Variants in PAK5 observed in about 807,000 individuals in gnomAD.
The protein encoded by PAK5 is p21 (RAC1) activated kinase 5.
A neutral mutation model predicts 65.9 loss-of-function variants in PAK5; 16 were observed. The observed-to-expected ratio is 0.24, with a 90% CI of 0.16 to 0.37. The LOEUF is 0.37. Among genes scored for constraint, PAK5 ranks in the 10% least tolerant of loss-of-function variants. The pLI, the probability that PAK5 is intolerant of heterozygous loss-of-function variation, is 1.00. For missense variants in PAK5, 785 were observed against 903.9 expected, an observed-to-expected ratio of 0.87 and a Z score of 1.69; for synonymous variants, 371 against 354.9, an observed-to-expected ratio of 1.05 and a Z score of -0.51.
intron 1 of PAK5, among the ~76,000 whole-genome samples, chr20:9,826,275 C>A (rs371557184): frequency 3.3e-5 from 5 of 151,994 alleles, no homozygotes; most frequent in Non-Finnish European, 5.9e-5. Flanking sequence ...AGACACTGCT[C>A]TAAATTGACA....
At chr20:9,626,777 TTATTTA>T (rs1261268573) in intron 3 of PAK5, among the ~76,000 whole-genome samples, 2 of 152,070 alleles carry the variant, frequency 1.3e-5, no homozygotes, top group African/African-American at 4.8e-5. Context: ...GCTTTTATTT[TTATTTA>T]TTTTTTTTTC....
At chr20:9,569,937 C>T (rs1394118239) in intron 4 of PAK5, among the ~76,000 whole-genome samples, 1 of 149,190 alleles carries the variant, frequency 6.7e-6, no homozygotes. Context: ...CTAAGCTGCC[C>T]TCCTGCCCTG....
At chr20:9,774,023 G>A (rs917704242) in intron 1 of PAK5, among the ~76,000 whole-genome samples, 12 of 152,204 alleles carry the variant, frequency 7.9e-5, no homozygotes, top group African/African-American at 2.9e-4. Context: ...AGAATGAGGA[G>A]GAGATGGGAG....
chr20:9,571,313 G>A (rs974756024), intron 4 of PAK5, among the ~76,000 whole-genome samples: 4 of 152,128 alleles, frequency 2.6e-5, no homozygotes, highest in East Asian at 1.9e-4. Context: ...ATGATGGTGC[G>A]TATCACCAGC....
At chr20:9,541,706 G>A (rs2045266672) in intron 9 of PAK5, among the ~76,000 whole-genome samples, 1 of 152,066 alleles carries the variant, frequency 6.6e-6, no homozygotes, top group Non-Finnish European at 1.5e-5. Flanking sequence ...TCAGTGATAG[G>A]GTTTGGCTCT....
chr20:9,561,599 T>C (rs1227029637), intron 6 of PAK5, among the ~76,000 whole-genome samples: 1 of 152,122 alleles, frequency 6.6e-6, no homozygotes, highest in Non-Finnish European at 1.5e-5. Flanking sequence ...TAGAGCCACG[T>C]AACATCTCAT....
At chr20:9,644,024 A>G in intron 3 of PAK5, 101 bp downstream of exon 3, 1 of 795,928 alleles carries the variant, frequency 1.3e-6, no homozygotes, top group East Asian at 2.6e-5. Context: ...GTTAAAAAAT[A>G]TGTGGTTTAG....
At chr20:9,699,454 C>T (rs2047910361) in intron 2 of PAK5, among the ~76,000 whole-genome samples, 1 of 151,268 alleles carries the variant, frequency 6.6e-6, no homozygotes, top group South Asian at 2.1e-4. Flanking sequence ...GAGAAATAGC[C>T]TTGGGTGTAT....
chr20:9,830,105 G>A (rs907305800), intron 1 of PAK5, among the ~76,000 whole-genome samples: 12 of 152,218 alleles, frequency 7.9e-5, no homozygotes, highest in African/African-American at 2.9e-4. Context: ...TGTTGCAGAG[G>A]AGCAGTGCTG....
At chr20:9,780,965 C>G (rs373678283) in intron 1 of PAK5, among the ~76,000 whole-genome samples, 8 of 152,196 alleles carry the variant, frequency 5.3e-5, no homozygotes, top group African/African-American at 1.9e-4. Flanking sequence ...ACAGAGGTCT[C>G]AGATTGAATG....
chr20:9,555,169 T>C (rs1264128003), intron 7 of PAK5, among the ~76,000 whole-genome samples: 1 of 152,224 alleles, frequency 6.6e-6, no homozygotes, highest in Non-Finnish European at 1.5e-5. Flanking sequence ...AACTGTCTGT[T>C]ACACGTAGCA....
intron 1 of PAK5, among the ~76,000 whole-genome samples, chr20:9,768,462 T>C (rs1056219519): frequency 6.6e-6 from 1 of 151,702 alleles, no homozygotes; most frequent in Non-Finnish European, 1.5e-5. Context: ...GTATCTATAA[T>C]AAAAGTTGAA....
chr20:9,693,424 C>T (rs914115213), intron 2 of PAK5, among the ~76,000 whole-genome samples: 1 of 151,914 alleles, frequency 6.6e-6, no homozygotes, highest in Non-Finnish European at 1.5e-5. Flanking sequence ...CTTCATCTCT[C>T]GTTTACCTGT....
At chr20:9,704,018 C>A (rs778886353) in intron 2 of PAK5, among the ~76,000 whole-genome samples, 2 of 152,130 alleles carry the variant, frequency 1.3e-5, no homozygotes, top group African/African-American at 2.4e-5. Context: ...AAGGATGACG[C>A]CTGTCTTCCA....
intron 3 of PAK5, among the ~76,000 whole-genome samples, chr20:9,609,101 C>T (rs1353587039): frequency 6.6e-6 from 1 of 151,456 alleles, no homozygotes; most frequent in African/African-American, 2.4e-5. Flanking sequence ...AGTCAGACAC[C>T]TGGGCTTTGT....
intron 1 of PAK5, among the ~76,000 whole-genome samples, chr20:9,800,330 C>T (rs894113053): frequency 8.5e-5 from 13 of 152,126 alleles, no homozygotes; most frequent in African/African-American, 3.1e-4. Flanking sequence ...TTGATATTCT[C>T]ATTTAGCTTC....
chr20:9,539,550 G>A lies in PAK5; in HGVS notation c.2072C>T (p.Ala691Val), dbSNP rs761963167. 1.2e-6 allele frequency: 2 copies of A among 1,613,522 alleles called. No homozygotes were observed. The highest frequency in any genetic ancestry group is 3.3e-5 in the Admixed American group (2 of 60,030). ...GAATGGATGTCCGAGGAGTTCCTGG[G>A]CTGTTGCTCTCTGAGAGGGCTCCCT... ...LVREPSQRAT[A>V]QELLGHPFLK... Residue 691 changes from alanine (A) to valine (V), a missense_variant, in exon 10 of 10, where the codon GCC (alanine) becomes GTC (valine). Ala to Val is a moderately conservative substitution (Grantham distance 64). This residue lies in a region of PAK5 where 110 missense variants were observed against 107.4 expected (regional missense o/e 1.02). Coordinates refer to ENST00000353224, the MANE Select transcript of PAK5 (RefSeq NM_177990.4).
chr20:9,537,586 T>C lies in PAK5; in HGVS notation c.*1876A>G, dbSNP rs1260726298. 1 of 210,450 alleles carries C rather than the reference T, an allele frequency of 4.8e-6. No individual in the cohort carries two copies. Among genetic ancestry groups the C allele is most frequent in the Non-Finnish European group, 9.7e-6 (1 of 103,538 alleles). The allele number at this position is 210,450 out of a possible 1,614,324, so 13.0% of individuals were successfully genotyped here. The stretch of plus-strand genomic sequence containing the variant: ...ATCCAAAATCCACTATTTTCTGCAA[T>C]AGTTTTTAATGTTTATTCTGGTTTA... On this transcript the variant is annotated 3_prime_UTR_variant, in exon 10 of 10. Transcript: ENST00000353224.
At chr20:9,654,924 C>T (rs1303079419) in intron 2 of PAK5, among the ~76,000 whole-genome samples, 1 of 152,184 alleles carries the variant, frequency 6.6e-6, no homozygotes, top group Admixed American at 6.5e-5. Flanking sequence ...CCCCAGAATA[C>T]TTTTTTTCTT....
Sources: gnomAD v4.1 joint callset for allele counts (sites outside exome capture counted in the v4.1 genomes callset) on GRCh38, gnomAD v4.1.1 for gene constraint, gnomAD v4.1.1 regional missense constraint, MANE v1.5 for transcripts, NCBI Gene and HGNC (gene_info 2026-07-23, HGNC 2026-07-21) for gene names.